Variants in KRTAP2-4 observed in about 807,000 individuals in gnomAD.
KRTAP2-4 encodes the protein keratin-associated protein 2-4.
A neutral mutation model predicts 11.5 loss-of-function variants in KRTAP2-4; 7 were observed. The ratio of observed to expected loss-of-function variants is 0.61; its 90% CI spans 0.35 to 1.15. The LOEUF is 1.15. KRTAP2-4 is among the 50% of genes most tolerant of loss of function. The pLI, the probability that KRTAP2-4 is intolerant of heterozygous loss-of-function variation, is 0.03. For missense variants in KRTAP2-4, 93 were observed against 183.2 expected, an observed-to-expected ratio of 0.51 and a Z score of 2.84; for synonymous variants, 49 against 77.9, an observed-to-expected ratio of 0.63 and a Z score of 1.96.
Position 41,065,849 on chromosome 17 carries a change from G to A in KRTAP2-4, c.-4C>T, listed in dbSNP as rs1160327737. On this transcript the variant is annotated 5_prime_UTR_variant, in exon 1 of 1. Coordinates refer to ENST00000394015, the MANE Select transcript of KRTAP2-4 (RefSeq NM_033184.4). The stretch of plus-strand genomic sequence containing the variant: ...AGCCGCAGCAGGAGCCGGTCATGGT[G>A]GTGTCTGAGGCTGGTGTGGGTTGGG... 4.6e-6 allele frequency: 7 copies of A among 1,517,776 alleles called. No homozygotes were observed. Among genetic ancestry groups the A allele is most frequent in the Non-Finnish European group, 6.1e-6 (7 of 1,141,660 alleles). 94.0% of individuals were successfully genotyped at this position (1,517,776 alleles called of 1,614,324 possible).
At position 41,065,681 on chromosome 17, in the gene KRTAP2-4, G is replaced by C; in HGVS notation, c.165C>G (p.Cys55Trp). 3 of 1,465,480 alleles carry C rather than the reference G, an allele frequency of 2.0e-6. No homozygotes were observed. The highest frequency in any genetic ancestry group is 1.4e-5 in the African/African-American group (1 of 71,466). The allele number at this position is 1,465,480 out of a possible 1,614,324, so 90.8% of individuals were successfully genotyped here. ...TCVPRCTRPI[C>W]EPCRRPVCCD... ...AGCACACCGGGCGGCGGCAGGGCTC[G>C]CAGATGGGGCGCGTGCAGCGGGGCA... is the stretch of plus-strand genomic sequence containing the variant. Residue 55 changes from cysteine (C) to tryptophan (W), a missense_variant, in exon 1 of 1, where the codon TGC becomes TGG. By Grantham distance (215) the Cys-to-Trp change is radical. Transcript: ENST00000394015.
Position 41,065,516 on chromosome 17 carries a change from CCGGCAGCA to C in KRTAP2-4, c.322_329del (p.Cys108AlafsTer30). On this transcript the variant is annotated frameshift_variant, in exon 1 of 1. Transcript: ENST00000394015. LOFTEE classifies it high-confidence loss of function. ...AAGGGGTCGGCTGGCCGCAGGGGGG[CCGGCAGCA>C]GGGGGACTGCACAGACACAGGCTGG... 6.8e-7 allele frequency: 1 copy of C among 1,464,306 alleles called. No homozygotes were observed. Among genetic ancestry groups the C allele is most frequent in the Non-Finnish European group, 9.3e-7 (1 of 1,079,642 alleles). The allele number at this position is 1,464,306 out of a possible 1,614,324, so 90.7% of individuals were successfully genotyped here.
chr17:41,065,671 G>A lies in KRTAP2-4; in HGVS notation c.175C>T (p.Arg59Cys), dbSNP rs12938147. ...CAGGGGTCGCAGCACACCGGGCGGC[G>A]GCAGGGCTCGCAGATGGGGCGCGTG... ...RCTRPICEPCRRPVCCDPCSL... is the reference protein window; with the variant it reads ...RCTRPICEPCCRPVCCDPCSL... Residue 59 changes from arginine to cysteine, a missense_variant, in exon 1 of 1, where the codon CGC becomes TGC. Physicochemically the swap from Arg to Cys is radical, Grantham distance 180 (BLOSUM62 -3). Coordinates refer to ENST00000394015, the MANE Select transcript of KRTAP2-4 (RefSeq NM_033184.4). The A allele has an allele frequency of 7.2e-3, 10,569 of 1,463,312 alleles. 647 individuals are homozygous for A. In the African/African-American group the frequency reaches 0.13, roughly 18 times the overall value. The allele number at this position is 1,463,312 out of a possible 1,614,324, so 90.6% of individuals were successfully genotyped here. A position where few individuals can be genotyped will look rare whatever the true frequency, so the allele number is the denominator to read the frequency against.
chr17:41,065,757 C>T lies in KRTAP2-4; in HGVS notation c.89G>A (p.Cys30Tyr). ...GGTCTGGCAGGTCACGGGGCGGCAG[C>T]AGCAGGGGTCGCGGCAGCAGCAGGG... ...CQPCCCRDPC[C>Y]CRPVTCQTTV... The change falls in exon 1 of 1, where the codon TGC (cysteine) becomes TAC (tyrosine). Residue 30 changes from cysteine (C) to tyrosine (Y), a missense_variant. Cys to Tyr is a radical substitution (Grantham distance 194). Transcript: ENST00000394015. The T allele has an allele frequency of 6.6e-7, 1 of 1,523,388 alleles. No homozygotes were observed. The highest frequency in any genetic ancestry group is 8.8e-7 in the Non-Finnish European group (1 of 1,140,422). The allele number at this position is 1,523,388 out of a possible 1,614,324, so 94.4% of individuals were successfully genotyped here.
chr17:41,065,779 A>C lies in KRTAP2-4; in HGVS notation c.67T>G (p.Cys23Gly). Reference protein sequence around the residue: ...LSYGGGCCQPCCCRDPCCCRP... With the variant: ...LSYGGGCCQPGCCRDPCCCRP... ...CAGCAGCAGGGGTCGCGGCAGCAGC[A>C]GGGCTGGCAGCAGCCTCCCCCGTAG... The change falls in exon 1 of 1, where the codon TGC (cysteine) becomes GGC (glycine). Residue 23 changes from cysteine to glycine, a missense_variant. Physicochemically the swap from Cys to Gly is radical, Grantham distance 159 (BLOSUM62 -3). Transcript: ENST00000394015. 1 of 1,529,384 alleles carries C rather than the reference A, an allele frequency of 6.5e-7. No homozygotes were observed. The highest frequency in any genetic ancestry group is 1.2e-5 in the South Asian group (1 of 83,326). 94.7% of individuals were successfully genotyped at this position (1,529,384 alleles called of 1,614,324 possible).
rs1488881948 is a variant in KRTAP2-4 at position 41,065,630 on chromosome 17, G to A, written c.216C>T (p.Gly72=). The change falls in exon 1 of 1, where the codon GGC becomes GGT. Residue 72 remains glycine (G), a synonymous_variant. Transcript: ENST00000394015. ...VCCDPCSLQE[G]CCRPITCCPS... ...GGCAGCAGGTGATGGGGCGGCAGCA[G>A]CCTTCCTGCAGGGAGCAGGGGTCGC... The A allele has an allele frequency of 6.7e-7, 1 of 1,502,352 alleles. No individual in the cohort carries two copies. The highest frequency in any genetic ancestry group is 8.9e-7 in the Non-Finnish European group (1 of 1,123,158). 93.1% of individuals were successfully genotyped at this position (1,502,352 alleles called of 1,614,324 possible). A position where few individuals can be genotyped will look rare whatever the true frequency, so the allele number is the denominator to read the frequency against.
chr17:41,065,416 A>T lies in KRTAP2-4; in HGVS notation c.*43T>A. On this transcript the variant is annotated 3_prime_UTR_variant, in exon 1 of 1. Coordinates refer to ENST00000394015, the MANE Select transcript of KRTAP2-4 (RefSeq NM_033184.4). ...TTAACTTTTTAAAAACACCAGATAGATGTTTAGGCTTCAGTGTATTGCTCT... is the reference window on the plus strand; with the variant it reads ...TTAACTTTTTAAAAACACCAGATAGTTGTTTAGGCTTCAGTGTATTGCTCT... 1 of 1,555,100 alleles carries T rather than the reference A, an allele frequency of 6.4e-7. No individual in the cohort carries two copies. Among genetic ancestry groups the T allele is most frequent in the Non-Finnish European group, 8.7e-7 (1 of 1,148,798 alleles).
chr17:41,065,519 G>T lies in KRTAP2-4; in HGVS notation c.327C>A (p.Cys109Ter). ...CQPVSVQSPC[C>*]RPPCGQPTPC... is the part of the protein sequence containing the mutation. ...GGGTCGGCTGGCCGCAGGGGGGCCG[G>T]CAGCAGGGGGACTGCACAGACACAG... Residue 109 changes from cysteine to a stop codon, truncating the protein, a stop_gained, in exon 1 of 1, where the codon TGC (cysteine) becomes TGA (stop). Coordinates refer to ENST00000394015, the MANE Select transcript of KRTAP2-4 (RefSeq NM_033184.4). LOFTEE classifies it high-confidence loss of function. The T allele has an allele frequency of 6.9e-7, 1 of 1,449,216 alleles. No homozygotes were observed. The highest frequency in any genetic ancestry group is 9.4e-7 in the Non-Finnish European group (1 of 1,067,814). The allele number at this position is 1,449,216 out of a possible 1,614,324, so 89.8% of individuals were successfully genotyped here. A position where few individuals can be genotyped will look rare whatever the true frequency, so the allele number is the denominator to read the frequency against.
Position 41,065,384 on chromosome 17 carries a change from T to C in KRTAP2-4, c.*75A>G. 2 of 1,500,956 alleles carry C rather than the reference T, an allele frequency of 1.3e-6. No homozygotes were observed. Among genetic ancestry groups the C allele is most frequent in the Admixed American group, 2.2e-5 (1 of 44,616 alleles). The allele number at this position is 1,500,956 out of a possible 1,614,324, so 93.0% of individuals were successfully genotyped here. ...TGTCACCTTGTGAAAAAAAATCTAT[T>C]TTTCTTTTAACTTTTTAAAAACACC... On this transcript the variant is annotated 3_prime_UTR_variant, in exon 1 of 1. Transcript: ENST00000394015.
Position 41,065,327 on chromosome 17 carries a change from C to A in KRTAP2-4, c.*132G>T. On this transcript the variant is annotated 3_prime_UTR_variant, in exon 1 of 1. Transcript: ENST00000394015. ...GGGTGGTAATGGACGTCTGCTTACA[C>A]CAGGCTGTATCCAGATGGTAAAAAT... The A allele has an allele frequency of 7.0e-7, 1 of 1,421,504 alleles. No homozygotes were observed. The highest frequency in any genetic ancestry group is 9.3e-7 in the Non-Finnish European group (1 of 1,072,024). 88.1% of individuals were successfully genotyped at this position (1,421,504 alleles called of 1,614,324 possible). A position where few individuals can be genotyped will look rare whatever the true frequency, so the allele number is the denominator to read the frequency against.
rs538186775 is a variant in KRTAP2-4, at chr17:41,065,749, G to A, written c.97C>T (p.Pro33Ser). 1 of 1,518,692 alleles carries A rather than the reference G, an allele frequency of 6.6e-7. No homozygotes were observed. Among genetic ancestry groups the A allele is most frequent in the African/African-American group, 1.4e-5 (1 of 72,626 alleles). 94.1% of individuals were successfully genotyped at this position (1,518,692 alleles called of 1,614,324 possible). ...CACACGGTGGTCTGGCAGGTCACGG[G>A]GCGGCAGCAGCAGGGGTCGCGGCAG... ...CCCRDPCCCRPVTCQTTVCRP... is the reference protein window; with the variant it reads ...CCCRDPCCCRSVTCQTTVCRP... The change falls in exon 1 of 1, where the codon CCC (proline) becomes TCC (serine). Residue 33 changes from proline (P) to serine (S), a missense_variant. By Grantham distance (74) the Pro-to-Ser change is moderately conservative. Transcript: ENST00000394015.
rs916362668 is a variant in KRTAP2-4, at chr17:41,065,768, G to C, written c.78C>G (p.Arg26=). ...TCACGGGGCGGCAGCAGCAGGGGTC[G>C]CGGCAGCAGCAGGGCTGGCAGCAGC... ...GGGCCQPCCC[R]DPCCCRPVTC... is the part of the protein sequence containing the mutation. The change falls in exon 1 of 1, where the codon CGC becomes CGG. Residue 26 remains arginine, a synonymous_variant. Transcript: ENST00000394015. The C allele has an allele frequency of 5.6e-5, 86 of 1,526,924 alleles. No homozygotes were observed. Among genetic ancestry groups the C allele is most frequent in the Non-Finnish European group, 6.8e-5 (78 of 1,142,392 alleles). 94.6% of individuals were successfully genotyped at this position (1,526,924 alleles called of 1,614,324 possible).
Position 41,065,230 on chromosome 17 carries a change from C to A in KRTAP2-4, c.*229G>T. On this transcript the variant is annotated 3_prime_UTR_variant, in exon 1 of 1. Transcript: ENST00000394015. Reference sequence around the variant, plus strand: ...TAGAATGTGTTTGCAAAGTCCACCCCAGGAATTCTTAAAGGTCGATTTACT... The same window carrying A: ...TAGAATGTGTTTGCAAAGTCCACCCAAGGAATTCTTAAAGGTCGATTTACT... The A allele has an allele frequency of 1.3e-6, 1 of 787,724 alleles. No individual in the cohort carries two copies. 48.8% of individuals were successfully genotyped at this position (787,724 alleles called of 1,614,324 possible). A position where few individuals can be genotyped will look rare whatever the true frequency, so the allele number is the denominator to read the frequency against.
Position 41,065,185 on chromosome 17 carries a change from C to T in KRTAP2-4, c.*274G>A. The T allele has an allele frequency of 1.7e-6, 1 of 583,068 alleles. No homozygotes were observed. The highest frequency in any genetic ancestry group is 2.9e-6 in the Non-Finnish European group (1 of 343,938). The allele number at this position is 583,068 out of a possible 1,614,324, so 36.1% of individuals were successfully genotyped here. A position where few individuals can be genotyped will look rare whatever the true frequency, so the allele number is the denominator to read the frequency against. On this transcript the variant is annotated 3_prime_UTR_variant, in exon 1 of 1. Transcript: ENST00000394015. ...CAAAAGATGATGGTGACAGTTTGAG[C>T]AGTAAAAACCATCAGGTTGTAGAAT... is the stretch of plus-strand genomic sequence containing the variant.
Position 41,065,270 on chromosome 17 carries a change from A to T in KRTAP2-4, c.*189T>A. ...GTCGATTTACTATCCATAATGACTA[A>T]GGCTGATGTAGACACCTGAAAATGT... On this transcript the variant is annotated 3_prime_UTR_variant, in exon 1 of 1. Transcript: ENST00000394015. 2 of 1,062,810 alleles carry T rather than the reference A, an allele frequency of 1.9e-6. No individual in the cohort carries two copies. The highest frequency in any genetic ancestry group is 2.6e-6 in the Non-Finnish European group (2 of 761,502). 65.8% of individuals were successfully genotyped at this position (1,062,810 alleles called of 1,614,324 possible). A position where few individuals can be genotyped will look rare whatever the true frequency, so the allele number is the denominator to read the frequency against.
In KRTAP2-4 at chr17:41,065,405, A is replaced by C; in HGVS notation, c.*54T>G. 2 of 1,525,804 alleles carry C rather than the reference A, an allele frequency of 1.3e-6. No individual in the cohort carries two copies. Among genetic ancestry groups the C allele is most frequent in the Non-Finnish European group, 8.8e-7 (1 of 1,134,562 alleles). 94.5% of individuals were successfully genotyped at this position (1,525,804 alleles called of 1,614,324 possible). A position where few individuals can be genotyped will look rare whatever the true frequency, so the allele number is the denominator to read the frequency against. On this transcript the variant is annotated 3_prime_UTR_variant, in exon 1 of 1. Transcript: ENST00000394015. ...CTATTTTTCTTTTAACTTTTTAAAA[A>C]CACCAGATAGATGTTTAGGCTTCAG...
Position 41,065,192 on chromosome 17 carries a change from A to G in KRTAP2-4, c.*267T>C. ...TGATGGTGACAGTTTGAGCAGTAAA[A>G]ACCATCAGGTTGTAGAATGTGTTTG... is the stretch of plus-strand genomic sequence containing the variant. On this transcript the variant is annotated 3_prime_UTR_variant, in exon 1 of 1. Transcript: ENST00000394015. 1 of 606,704 alleles carries G rather than the reference A, an allele frequency of 1.6e-6. No individual in the cohort carries two copies. The highest frequency in any genetic ancestry group is 2.8e-6 in the Non-Finnish European group (1 of 362,160). 37.6% of individuals were successfully genotyped at this position (606,704 alleles called of 1,614,324 possible).
chr17:41,065,188 TA>T lies in KRTAP2-4; in HGVS notation c.*270del. The T allele has an allele frequency of 1.7e-6, 1 of 600,464 alleles. No individual in the cohort carries two copies. Among genetic ancestry groups the T allele is most frequent in the Non-Finnish European group, 2.8e-6 (1 of 357,042 alleles). 37.2% of individuals were successfully genotyped at this position (600,464 alleles called of 1,614,324 possible). On this transcript the variant is annotated 3_prime_UTR_variant, in exon 1 of 1. Transcript: ENST00000394015. ...AAGATGATGGTGACAGTTTGAGCAG[TA>T]AAAACCATCAGGTTGTAGAATGTGT... is the stretch of plus-strand genomic sequence containing the variant.
chr17:41,065,372 A>G lies in KRTAP2-4; in HGVS notation c.*87T>C. 6.7e-7 allele frequency: 1 copy of G among 1,489,020 alleles called. No homozygotes were observed. The highest frequency in any genetic ancestry group is 1.3e-5 in the South Asian group (1 of 74,760). 92.2% of individuals were successfully genotyped at this position (1,489,020 alleles called of 1,614,324 possible). ...AAAAATCACTATTGTCACCTTGTGAAAAAAAATCTATTTTTCTTTTAACTT... is the reference window on the plus strand; with the variant it reads ...AAAAATCACTATTGTCACCTTGTGAGAAAAAATCTATTTTTCTTTTAACTT... On this transcript the variant is annotated 3_prime_UTR_variant, in exon 1 of 1. Transcript: ENST00000394015.
Sources: allele counts gnomAD v4.1 joint callset, GRCh38; gene constraint gnomAD v4.1.1; transcripts MANE v1.5; gene names NCBI Gene and HGNC (gene_info 2026-07-23, HGNC 2026-07-21).